Variants in DPYD observed in about 807,000 individuals in gnomAD.
DPYD encodes the protein dihydropyrimidine dehydrogenase [NADP(+)].
Under a neutral mutation model 116.2 loss-of-function variants are expected in DPYD, and 109 were observed. The observed-to-expected ratio is 0.94, with a 90% CI of 0.80 to 1.10. The LOEUF (loss-of-function observed/expected upper bound fraction) is 1.10. Among genes scored for constraint, DPYD ranks in the 50% least tolerant of loss-of-function variants. The pLI is 0.00. For synonymous variants in DPYD, 440 were observed against 432.0 expected, an observed-to-expected ratio of 1.02 and a Z score of -0.23; for missense variants, 1,302 against 1,254.5, an observed-to-expected ratio of 1.04 and a Z score of -0.57.
intron 20 of DPYD, among the ~76,000 whole-genome samples, chr1:97,119,536 T>G (rs138261330): frequency 3.0e-4 from 46 of 152,216 alleles, no homozygotes; most frequent in Middle Eastern, 3.4e-3. Flanking sequence ...ATAGAAAATA[T>G]GCTTTTTGTT....
intron 7 of DPYD, among the ~76,000 whole-genome samples, chr1:97,684,444 T>G (rs1660603420): frequency 6.6e-6 from 1 of 152,080 alleles, no homozygotes; most frequent in African/African-American, 2.4e-5. Flanking sequence ...AGTGTTTTAC[T>G]TCCAATTATG....
At chr1:97,834,645 C>A (rs1438933520) in intron 2 of DPYD, among the ~76,000 whole-genome samples, 6 of 151,874 alleles carry the variant, frequency 4.0e-5, no homozygotes, top group Non-Finnish European at 8.8e-5. Flanking sequence ...AATTCTAAGG[C>A]AGTTCAATGT....
chr1:97,317,487 T>A (rs1259656504), intron 16 of DPYD, among the ~76,000 whole-genome samples: 1 of 151,958 alleles, frequency 6.6e-6, no homozygotes, highest in African/African-American at 2.4e-5. Flanking sequence ...TAATAAGGAG[T>A]TTTTATTCTT....
intron 1 of DPYD, among the ~76,000 whole-genome samples, chr1:97,891,398 G>A (rs1218705308): frequency 2.0e-5 from 3 of 147,940 alleles, no homozygotes; most frequent in Admixed American, 6.9e-5. Context: ...ACACAATAAA[G>A]ATACACTGGT....
intron 4 of DPYD, among the ~76,000 whole-genome samples, chr1:97,732,115 G>A (rs1348480619): frequency 6.6e-6 from 1 of 152,022 alleles, no homozygotes; most frequent in African/African-American, 2.4e-5. Flanking sequence ...GAGCTTACAG[G>A]CTTTTCAAAT....
At chr1:97,224,214 C>T (rs1267541812) in intron 19 of DPYD, among the ~76,000 whole-genome samples, 4 of 151,966 alleles carry the variant, frequency 2.6e-5, no homozygotes, top group African/African-American at 9.7e-5. Context: ...GAAGGCAAGC[C>T]TGTAATCGGT....
chr1:97,325,604 C>T (rs1435959773), intron 16 of DPYD, among the ~76,000 whole-genome samples: 1 of 151,974 alleles, frequency 6.6e-6, no homozygotes, highest in African/African-American at 2.4e-5. Flanking sequence ...ATCTGCTCTA[C>T]TTGAAGTGTT....
At chr1:97,160,550 G>A (rs12120077) in intron 20 of DPYD, among the ~76,000 whole-genome samples, 22,809 of 152,076 alleles carry the variant, frequency 0.15, 1,841 homozygotes, top group East Asian at 0.29. Context: ...TCTTTGAATA[G>A]AAGGATTGTA....
At chr1:97,508,404 C>A (rs1647518382) in intron 13 of DPYD, among the ~76,000 whole-genome samples, 1 of 151,942 alleles carries the variant, frequency 6.6e-6, no homozygotes, top group South Asian at 2.1e-4. Flanking sequence ...GAAAGGGGGC[C>A]AGTGTGGCTG....
At chr1:97,342,648 A>G (rs1440604572) in intron 16 of DPYD, among the ~76,000 whole-genome samples, 1 of 152,178 alleles carries the variant, frequency 6.6e-6, no homozygotes, top group Non-Finnish European at 1.5e-5. Flanking sequence ...CCAGAAGAAT[A>G]AGAAAATTAA....
intron 18 of DPYD, among the ~76,000 whole-genome samples, chr1:97,268,887 T>C (rs1302376477): frequency 6.6e-6 from 1 of 152,184 alleles, no homozygotes; most frequent in East Asian, 1.9e-4. Context: ...AGCCACACAC[T>C]TAGTATTCCC....
chr1:97,384,829 T>C (rs1445047168), intron 14 of DPYD, among the ~76,000 whole-genome samples: 1 of 151,702 alleles, frequency 6.6e-6, no homozygotes, highest in East Asian at 1.9e-4. Context: ...CGTTCCGAAA[T>C]ATGGAAGCCA....
chr1:97,625,461 G>C (rs1656876556), intron 8 of DPYD, among the ~76,000 whole-genome samples: 1 of 151,956 alleles, frequency 6.6e-6, no homozygotes, highest in South Asian at 2.1e-4. Context: ...ATGGGTAACT[G>C]TTGTGAACTG....
intron 15 of DPYD, among the ~76,000 whole-genome samples, chr1:97,375,128 T>G (rs1485647669): frequency 4.6e-5 from 7 of 152,136 alleles, no homozygotes; most frequent in Non-Finnish European, 1.0e-4. Flanking sequence ...TTCTATAATT[T>G]TTCCAGTGCC....
intron 18 of DPYD, among the ~76,000 whole-genome samples, chr1:97,292,381 A>C (rs928209622): frequency 1.3e-5 from 2 of 152,160 alleles, no homozygotes; most frequent in African/African-American, 4.8e-5. Context: ...GTCCTTCTTC[A>C]CGTGTTGGCA....
intron 16 of DPYD, among the ~76,000 whole-genome samples, chr1:97,324,742 C>A (rs1668627586): frequency 6.6e-6 from 1 of 151,924 alleles, no homozygotes; most frequent in East Asian, 1.9e-4. Context: ...AATGAGTAAG[C>A]CCTCATATAA....
At chr1:97,125,331 A>G (rs1177692661) in intron 20 of DPYD, among the ~76,000 whole-genome samples, 2 of 152,132 alleles carry the variant, frequency 1.3e-5, no homozygotes, top group African/African-American at 4.8e-5. Context: ...GTTTTTCTCA[A>G]CAAAAAAACA....
At chr1:97,438,823 A>C (rs915420199) in intron 14 of DPYD, among the ~76,000 whole-genome samples, 1 of 152,082 alleles carries the variant, frequency 6.6e-6, no homozygotes, top group African/African-American at 2.4e-5. Context: ...TTCTACACAG[A>C]TAATCAAATT....
At chr1:97,097,021 C>G (rs1311097439) in intron 21 of DPYD, among the ~76,000 whole-genome samples, 4 of 152,134 alleles carry the variant, frequency 2.6e-5, no homozygotes, top group African/African-American at 9.7e-5. Context: ...GTAGTCATAG[C>G]CACACATTGG....
Sources: allele counts gnomAD v4.1 joint callset (sites outside exome capture counted in the v4.1 genomes callset), GRCh38; gene constraint gnomAD v4.1.1; transcripts MANE v1.5; gene names NCBI Gene and HGNC (gene_info 2026-07-23, HGNC 2026-07-21).